TMEM132C: variants seen among roughly 807,000 people sequenced by gnomAD.
TMEM132C encodes the protein transmembrane protein 132C, also known as protein phosphatase 1, regulatory subunit 152.
In TMEM132C, 29 loss-of-function variants were observed where a neutral mutation model predicts 61.4. That is an observed-to-expected ratio of 0.47 (90% CI 0.35 to 0.64). TMEM132C has a LOEUF of 0.64. TMEM132C is among the 30% of genes least tolerant of loss of function. TMEM132C has a pLI of 0.00. For synonymous variants in TMEM132C, 656 were observed against 633.1 expected (o/e 1.04, Z -0.54); for missense variants, 1,408 against 1,476.9 (o/e 0.95, Z 0.76).
intron 4 of TMEM132C, among the ~76,000 whole-genome samples, chr12:128,652,997 C>T (rs750161275): frequency 5.3e-5 from 8 of 152,118 alleles, no homozygotes; most frequent in Non-Finnish European, 7.3e-5. Flanking sequence ...CAGCATTACT[C>T]GTAATAGCCA....
intron 1 of TMEM132C, among the ~76,000 whole-genome samples, chr12:128,375,858 G>T (rs1047830969): frequency 6.6e-6 from 1 of 152,228 alleles, no homozygotes; most frequent in Admixed American, 6.5e-5. Context: ...TGGATTTGAG[G>T]CAAGAGCGAG....
intron 2 of TMEM132C, among the ~76,000 whole-genome samples, chr12:128,534,799 C>A (rs1408747885): frequency 6.6e-6 from 1 of 152,216 alleles, no homozygotes; most frequent in Admixed American, 6.5e-5. Context: ...GCCTGTTAAA[C>A]CTATGCATTT....
At chr12:128,401,585 T>C (rs1875159495) in intron 1 of TMEM132C, among the ~76,000 whole-genome samples, 2 of 152,134 alleles carry the variant, frequency 1.3e-5, no homozygotes, top group Non-Finnish European at 2.9e-5. Context: ...ATCAACGACT[T>C]TTTAGATAAG....
chr12:128,329,103 C>T lies in TMEM132C; in HGVS notation c.85+61616C>T, dbSNP rs553293999. On this transcript the variant is annotated intron_variant, in intron 1 of 8. Transcript: ENST00000435159. Reference sequence around the variant, plus strand: ...CCTGCTCTTTGAGTGACAAATCCAGCGCAGACATCATTGGCCAAGGCAAGG... The same window carrying T: ...CCTGCTCTTTGAGTGACAAATCCAGTGCAGACATCATTGGCCAAGGCAAGG... Among the ~76,000 whole-genome samples the T allele has an allele frequency of 7.9e-5, 12 of 152,226 alleles. No homozygotes were observed. In the South Asian group the frequency reaches 2.1e-3, roughly 26 times the overall value.
chr12:128,520,292 TTTC>T (rs1435509110), intron 2 of TMEM132C, among the ~76,000 whole-genome samples: 1 of 152,158 alleles, frequency 6.6e-6, no homozygotes, highest in Non-Finnish European at 1.5e-5. Flanking sequence ...CTACCAACGT[TTTC>T]TTCTTTCTTT....
At chr12:128,601,542 A>G (rs1876187675) in intron 3 of TMEM132C, among the ~76,000 whole-genome samples, 1 of 152,214 alleles carries the variant, frequency 6.6e-6, no homozygotes, top group Non-Finnish European at 1.5e-5. Context: ...AAAGTGGCCA[A>G]GTGAGTCCCG....
At chr12:128,401,277 C>T (rs1875149109) in intron 1 of TMEM132C, among the ~76,000 whole-genome samples, 1 of 152,202 alleles carries the variant, frequency 6.6e-6, no homozygotes, top group African/African-American at 2.4e-5. Context: ...TAACACCAAT[C>T]ATTCTCAACC....
intron 1 of TMEM132C, among the ~76,000 whole-genome samples, chr12:128,350,899 G>A (rs1461180135): frequency 1.3e-5 from 2 of 152,072 alleles, no homozygotes; most frequent in African/African-American, 4.8e-5. Context: ...CACCTTAAAG[G>A]TAGGGGCATT....
chr12:128,529,761 G>A (rs772338127), intron 2 of TMEM132C, among the ~76,000 whole-genome samples: 5 of 152,146 alleles, frequency 3.3e-5, no homozygotes, highest in Non-Finnish European at 5.9e-5. Flanking sequence ...ACTCCAGCCT[G>A]GGTGACAGAG....
intron 2 of TMEM132C, among the ~76,000 whole-genome samples, chr12:128,507,407 T>C (rs865961430): frequency 0.034 from 4,985 of 147,774 alleles, 264 homozygotes; most frequent in African/African-American, 0.12. Context: ...TCTTTCTTTT[T>C]TTTTTTTTTT....
intron 8 of TMEM132C, among the ~76,000 whole-genome samples, chr12:128,704,443 G>C (rs141717107): frequency 0.012 from 1,763 of 152,248 alleles, 18 homozygotes; most frequent in Middle Eastern, 0.027. Context: ...CATGTACTGT[G>C]TCCCACACAT....
At chr12:128,289,154 A>C (rs1871171827) in intron 1 of TMEM132C, 1 of 19,492 alleles carries the variant, frequency 5.1e-5, no homozygotes, top group Admixed American at 1.1e-3. Flanking sequence ...GCATACATGC[A>C]CGCTCATACG....
rs139790841 is a variant in TMEM132C at position 128,681,133 on chromosome 12, C to A, written c.1449+11573C>A. On this transcript the variant is annotated intron_variant, in intron 5 of 8. Transcript: ENST00000435159. ...GTAGCTGGGATTACAGGCATGAATC[C>A]CATGCCCAGCTAATTCTTTGCATTT... is the stretch of plus-strand genomic sequence containing the variant. 3.0e-3 allele frequency among the ~76,000 whole-genome samples: 463 copies of A among 152,072 alleles called. 3 individuals carry two copies. The highest frequency in any genetic ancestry group is 0.011 in the African/African-American group (449 of 41,480).
intron 2 of TMEM132C, among the ~76,000 whole-genome samples, chr12:128,502,606 C>T (rs761977667): frequency 3.3e-5 from 5 of 152,220 alleles, no homozygotes; most frequent in Non-Finnish European, 7.3e-5. Context: ...GGATCCAAAG[C>T]TAGTGTCCCC....
chr12:128,308,374 G>T (rs1378198873), intron 1 of TMEM132C, among the ~76,000 whole-genome samples: 1 of 151,770 alleles, frequency 6.6e-6, no homozygotes, highest in Admixed American at 6.6e-5. Context: ...TTATTTCTAG[G>T]GATTCAGATT....
At chr12:128,482,400 A>T (rs1265495540) in intron 2 of TMEM132C, among the ~76,000 whole-genome samples, 1 of 152,036 alleles carries the variant, frequency 6.6e-6, no homozygotes, top group African/African-American at 2.4e-5. Context: ...TGATTTTTGT[A>T]TCGATGTTCA....
intron 2 of TMEM132C, among the ~76,000 whole-genome samples, chr12:128,502,239 A>C (rs1429422077): frequency 1.3e-5 from 2 of 152,156 alleles, no homozygotes; most frequent in African/African-American, 4.8e-5. Flanking sequence ...TGCAGCCCCA[A>C]GGGAGAGACA....
At chr12:128,437,480 C>T (rs1869641429) in intron 2 of TMEM132C, among the ~76,000 whole-genome samples, 1 of 152,110 alleles carries the variant, frequency 6.6e-6, no homozygotes, top group Non-Finnish European at 1.5e-5. Context: ...ATGGCCACTA[C>T]CACCACCAAG....
chr12:128,383,911 G>C (rs954142333), intron 1 of TMEM132C, among the ~76,000 whole-genome samples: 4 of 152,108 alleles, frequency 2.6e-5, no homozygotes, highest in African/African-American at 9.7e-5. Flanking sequence ...ACATAACGAC[G>C]CTTTTTAAAC....
Sources: gnomAD v4.1 joint callset for allele counts (sites outside exome capture counted in the v4.1 genomes callset) on GRCh38, gnomAD v4.1.1 for gene constraint, MANE v1.5 for transcripts, NCBI Gene and HGNC (gene_info 2026-07-23, HGNC 2026-07-21) for gene names.